The following CWC27 variants were observed in gnomAD, a reference collection of about 807,000 sequenced individuals.
The protein encoded by CWC27 is CWC27 spliceosome associated cyclophilin.
A neutral mutation model predicts 63.6 loss-of-function variants in CWC27; 47 were observed. The observed-to-expected ratio is 0.74, with a 90% CI of 0.58 to 0.94. CWC27 has a LOEUF of 0.94. CWC27 is among the 40% of genes least tolerant of loss of function. CWC27 has a pLI of 0.00. For synonymous variants in CWC27, 175 were observed against 179.8 expected (o/e 0.97, Z 0.22); for missense variants, 495 against 554.3 (o/e 0.89, Z 1.07).
intron 2 of CWC27, among the ~76,000 whole-genome samples, chr5:64,776,426 G>C (rs1743458277): frequency 6.6e-6 from 1 of 152,184 alleles, no homozygotes; most frequent in East Asian, 1.9e-4. Context: ...CAGTGAAGAA[G>C]AAATGAGGTT....
intron 10 of CWC27, among the ~76,000 whole-genome samples, chr5:64,838,065 C>T (rs1305210156): frequency 6.6e-6 from 1 of 152,122 alleles, no homozygotes; most frequent in Non-Finnish European, 1.5e-5. Flanking sequence ...TAGTGTTGGT[C>T]ATATAGTTGA....
intron 11 of CWC27, among the ~76,000 whole-genome samples, chr5:64,963,946 G>GA (rs958249430): frequency 1.4e-4 from 22 of 151,894 alleles, no homozygotes; most frequent in South Asian, 6.3e-4. Context: ...TGACTTTCTG[G>GA]AAAAAAAATT....
At chr5:65,000,095 G>C (rs889135546) in intron 13 of CWC27, among the ~76,000 whole-genome samples, 9 of 152,056 alleles carry the variant, frequency 5.9e-5, no homozygotes, top group Admixed American at 5.2e-4. Context: ...TAGGGATAGT[G>C]AACATTTTTC....
At position 64,935,005 on chromosome 5, in the gene CWC27, C is replaced by A. The variant is rs191649109; in HGVS notation, c.1043-36698C>A. 1.5e-4 allele frequency among the ~76,000 whole-genome samples: 23 copies of A among 152,218 alleles called. 1 individual carries two copies. The highest frequency in any genetic ancestry group is 5.9e-4 in the Admixed American group (9 of 15,296). ...TTCCTTGTAGATTCTGGATATTAGC[C>A]CATTGTCAAATGGATAGATTGCAAA... On this transcript the variant is annotated intron_variant, in intron 11 of 13. Transcript: ENST00000381070.
intron 10 of CWC27, among the ~76,000 whole-genome samples, chr5:64,832,024 C>G (rs953533702): frequency 6.6e-5 from 10 of 151,792 alleles, no homozygotes; most frequent in Non-Finnish European, 1.2e-4. Context: ...TTTTTTAATA[C>G]TTAACCAAAA....
chr5:64,789,197 T>G (rs1192032582), intron 7 of CWC27, among the ~76,000 whole-genome samples, 177 bp downstream of exon 7: 1 of 152,032 alleles, frequency 6.6e-6, no homozygotes, highest in Non-Finnish European at 1.5e-5. Flanking sequence ...ACTTTTGAGA[T>G]TATCCTATTT....
Position 64,788,860 on chromosome 5 carries a change from A to G in CWC27, c.600-91A>G, listed in dbSNP as rs962252592. 3.7e-6 allele frequency: 3 copies of G among 810,020 alleles called. No homozygotes were observed. In the African/African-American group the frequency reaches 5.2e-5, roughly 14 times the overall value. The allele number at this position is 810,020 out of a possible 1,614,324, so 50.2% of individuals were successfully genotyped here. On this transcript the variant is annotated intron_variant, in intron 6 of 13. Transcript: ENST00000381070. ...CAGTCAGAATGTATTTCTTCTTGTAAATTCTGTTCTCTTGCTCTGAAAATA... is the reference window on the plus strand; with the variant it reads ...CAGTCAGAATGTATTTCTTCTTGTAGATTCTGTTCTCTTGCTCTGAAAATA...
intron 7 of CWC27, among the ~76,000 whole-genome samples, chr5:64,794,146 CT>C (rs1744175328): frequency 6.6e-6 from 1 of 152,010 alleles, no homozygotes; most frequent in African/African-American, 2.4e-5. Flanking sequence ...ACTTCATTTC[CT>C]TTTTGATAGG....
At chr5:64,917,807 C>T (rs1747919715) in intron 11 of CWC27, among the ~76,000 whole-genome samples, 1 of 152,148 alleles carries the variant, frequency 6.6e-6, no homozygotes, top group African/African-American at 2.4e-5. Flanking sequence ...ATCAGCTCTC[C>T]TGGGTCTCAG....
intron 5 of CWC27, 144 bp downstream of exon 5, chr5:64,785,723 C>T (rs976077752): frequency 6.1e-6 from 3 of 493,280 alleles, no homozygotes; most frequent in African/African-American, 4.1e-5. Flanking sequence ...ATTTGGGCAC[C>T]GTTTCTAGTT....
At chr5:64,943,345 C>T (rs1444931460) in intron 11 of CWC27, among the ~76,000 whole-genome samples, 2 of 152,176 alleles carry the variant, frequency 1.3e-5, no homozygotes, top group African/African-American at 4.8e-5. Context: ...ATTTTAAAAA[C>T]ATTCCAACAA....
At chr5:64,918,056 A>G (rs1332872894) in intron 11 of CWC27, among the ~76,000 whole-genome samples, 1 of 152,196 alleles carries the variant, frequency 6.6e-6, no homozygotes, top group Non-Finnish European at 1.5e-5. Context: ...TTTCAGGTGA[A>G]TATTTGTTTT....
intron 10 of CWC27, among the ~76,000 whole-genome samples, chr5:64,874,154 CTTTTTTTTTTTTTTT>C (rs748768571): frequency 2.5e-4 from 12 of 48,778 alleles, no homozygotes; most frequent in Admixed American, 2.1e-3. Flanking sequence ...ATTGTTGATG[CTTTTTTTTTTTTTTT>C]TTTTTTTTTT....
intron 13 of CWC27, among the ~76,000 whole-genome samples, chr5:64,990,528 G>T (rs1430816366): frequency 1.2e-3 from 57 of 47,812 alleles, no homozygotes; most frequent in Admixed American, 1.4e-3. Context: ...GCCTCCCAAA[G>T]TGCTGGGATT....
chr5:65,009,203 T>A (rs534757694), intron 13 of CWC27, among the ~76,000 whole-genome samples: 46 of 152,026 alleles, frequency 3.0e-4, no homozygotes, highest in Non-Finnish European at 6.2e-4. Context: ...CAACCAGTAC[T>A]CAAGGAAACT....
At chr5:64,890,626 T>C (rs1339076116) in intron 11 of CWC27, among the ~76,000 whole-genome samples, 1 of 152,214 alleles carries the variant, frequency 6.6e-6, no homozygotes, top group Non-Finnish European at 1.5e-5. Context: ...TGCTAATTTT[T>C]ACTTTATTTA....
intron 12 of CWC27, among the ~76,000 whole-genome samples, chr5:64,975,950 C>A (rs1749220744): frequency 6.6e-6 from 1 of 152,020 alleles, no homozygotes; most frequent in Non-Finnish European, 1.5e-5. Context: ...TGCCTGTGGT[C>A]CCAGCTACTC....
chr5:64,940,910 G>A lies in CWC27; in HGVS notation c.1043-30793G>A, dbSNP rs182536452. ...CGCCCCGGCTGGAGTGGAATGGCAC[G>A]ATCTTGGCTCACTGCACCCTCTGCC... On this transcript the variant is annotated intron_variant, in intron 11 of 13. Transcript: ENST00000381070. 1.1e-4 allele frequency among the ~76,000 whole-genome samples: 14 copies of A among 130,056 alleles called. No homozygotes were observed. In the East Asian group the frequency reaches 1.4e-3, roughly 13 times the overall value. The allele number at this position is 130,056 out of a possible 152,430, so 85.3% of individuals were successfully genotyped here. A position where few individuals can be genotyped will look rare whatever the true frequency, so the allele number is the denominator to read the frequency against.
chr5:64,796,591 A>C (rs1312095817), intron 7 of CWC27, among the ~76,000 whole-genome samples: 1 of 152,174 alleles, frequency 6.6e-6, no homozygotes, highest in East Asian at 1.9e-4. Context: ...ATCTAAAAAA[A>C]TATTTTCATA....
Sources: gnomAD v4.1 joint callset for allele counts (sites outside exome capture counted in the v4.1 genomes callset) on GRCh38, gnomAD v4.1.1 for gene constraint, MANE v1.5 for transcripts, NCBI Gene and HGNC (gene_info 2026-07-23, HGNC 2026-07-21) for gene names.